Variants in HERC4 observed in about 807,000 individuals in gnomAD.
HERC4 encodes probable E3 ubiquitin-protein ligase HERC4.
A neutral mutation model predicts 124.3 loss-of-function variants in HERC4; 28 were observed. That is an observed-to-expected ratio of 0.23 (90% CI 0.17 to 0.31). HERC4 has a LOEUF of 0.31. Ranked by LOEUF, HERC4 falls within the 10% of genes least tolerant of loss-of-function variation. HERC4 has a pLI of 1.00. For missense variants in HERC4, 713 were observed against 1,229.3 expected (o/e 0.58, Z 6.28); for synonymous variants, 407 against 421.5 (o/e 0.97, Z 0.42).
intron 9 of HERC4, among the ~76,000 whole-genome samples, chr10:68,009,980 G>GA (rs2037839630): frequency 6.6e-6 from 1 of 151,848 alleles, no homozygotes; most frequent in Admixed American, 6.6e-5. Flanking sequence ...CTTCATTTGA[G>GA]AAAAAAGTGA....
rs374893667 is a variant in HERC4 at position 68,030,124 on chromosome 10, A to T, written c.777+2654T>A. Among the ~76,000 whole-genome samples, 6 of 152,140 alleles carry T rather than the reference A, an allele frequency of 3.9e-5. No individual in the cohort carries two copies. In the East Asian group the frequency reaches 9.6e-4, roughly 24 times the overall value. On this transcript the variant is annotated intron_variant, in intron 7 of 24. Transcript: ENST00000373700. ...CAAGGCACATTTGTTCTGGCTATTA[A>T]TTTTAAATTTACTGTATTTTTAAAA... is the stretch of plus-strand genomic sequence containing the variant.
intron 16 of HERC4, chr10:67,965,183 G>C (rs1443035499): frequency 6.6e-6 from 1 of 152,150 alleles, no homozygotes; most frequent in Non-Finnish European, 1.5e-5. Context: ...TTAAAGGGCT[G>C]CTCCTTGTCA....
chr10:67,924,274 G>T (rs1276369943), intron 24 of HERC4, among the ~76,000 whole-genome samples: 1 of 152,164 alleles, frequency 6.6e-6, no homozygotes, highest in East Asian at 1.9e-4. Flanking sequence ...ATTGTATGAG[G>T]TATTAATAAC....
Position 67,922,980 on chromosome 10 carries a change from G to T in HERC4, c.3101C>A (p.Ser1034Tyr). The T allele has an allele frequency of 6.2e-7, 1 of 1,613,830 alleles. No homozygotes were observed. Among genetic ancestry groups the T allele is most frequent in the Non-Finnish European group, 8.5e-7 (1 of 1,179,800 alleles). ...GTGATCAATAGCTTGGATCAGTTTA[G>T]AGCGTAGAGTTTCTTTTTCTGTATA... is the stretch of plus-strand genomic sequence containing the variant. ...PKYTEKETLR[S>Y]KLIQAIDHNE... Residue 1034 changes from serine to tyrosine, a missense_variant, in exon 25 of 25, where the codon TCT (serine) becomes TAT (tyrosine). Transcript: ENST00000373700.
intron 3 of HERC4, chr10:68,070,139 C>A: frequency 1.0e-6 from 1 of 984,776 alleles, no homozygotes; most frequent in Non-Finnish European, 1.2e-6. Flanking sequence ...TGCTCAATTA[C>A]CAGAAGACTT....
At chr10:67,943,328 G>C (rs2033072906) in intron 19 of HERC4, among the ~76,000 whole-genome samples, 1 of 152,060 alleles carries the variant, frequency 6.6e-6, no homozygotes, top group African/African-American at 2.4e-5. Flanking sequence ...TAAGTCCACA[G>C]GAAAAAAGAG....
At chr10:67,963,603 A>G (rs1268165123) in intron 16 of HERC4, among the ~76,000 whole-genome samples, 2 of 152,166 alleles carry the variant, frequency 1.3e-5, no homozygotes, top group Non-Finnish European at 2.9e-5. Context: ...ATGTGTGTAT[A>G]TATTTATATA....
intron 5 of HERC4, among the ~76,000 whole-genome samples, chr10:68,037,388 G>A (rs781436396): frequency 5.9e-5 from 9 of 152,018 alleles, no homozygotes; most frequent in Non-Finnish European, 7.4e-5. Flanking sequence ...GAGCCACTGC[G>A]CCCAGCAAAC....
chr10:68,063,356 C>T (rs944086277), intron 3 of HERC4, among the ~76,000 whole-genome samples: 3 of 152,044 alleles, frequency 2.0e-5, no homozygotes, highest in Non-Finnish European at 2.9e-5. Flanking sequence ...ACTACAGGCA[C>T]ACCACCATGC....
chr10:67,933,059 A>T (rs2132047270), intron 22 of HERC4, among the ~76,000 whole-genome samples: 1 of 152,306 alleles, frequency 6.6e-6, no homozygotes, highest in South Asian at 2.1e-4. Flanking sequence ...AATGATGCAA[A>T]TGGCTATGAA....
intron 9 of HERC4, among the ~76,000 whole-genome samples, chr10:68,009,715 G>A (rs778173357): frequency 1.2e-4 from 19 of 152,144 alleles, no homozygotes; most frequent in Admixed American, 9.2e-4. Flanking sequence ...TATACCAGGA[G>A]ATGCTGCATG....
chr10:68,038,886 T>A (rs1005023162), intron 4 of HERC4, among the ~76,000 whole-genome samples: 9 of 152,214 alleles, frequency 5.9e-5, no homozygotes, highest in African/African-American at 2.2e-4. Context: ...GGCTCATTTT[T>A]AAAACATTAC....
chr10:68,006,375 GTT>G (rs772576805), intron 9 of HERC4, among the ~76,000 whole-genome samples: 9 of 134,010 alleles, frequency 6.7e-5, no homozygotes, highest in African/African-American at 1.4e-4. Context: ...TTTTGTTTTT[GTT>G]TTTTTTTTTT....
intron 9 of HERC4, chr10:67,995,287 C>T (rs2036800400): frequency 2.2e-6 from 1 of 455,342 alleles, no homozygotes; most frequent in Non-Finnish European, 4.4e-6. Context: ...CATTGATGCT[C>T]ATTCACTGTA....
At chr10:67,975,261 A>G (rs183909043) in intron 15 of HERC4, among the ~76,000 whole-genome samples, 1 of 152,162 alleles carries the variant, frequency 6.6e-6, no homozygotes, top group Non-Finnish European at 1.5e-5. Flanking sequence ...AGTGGACTTC[A>G]TGTACATTGT....
At chr10:68,023,006 TAAAAAA>T (rs767835359) in intron 8 of HERC4, among the ~76,000 whole-genome samples, 1 of 140,302 alleles carries the variant, frequency 7.1e-6, no homozygotes, top group African/African-American at 2.6e-5. Flanking sequence ...ATAGGTATTA[TAAAAAA>T]AAAAAGAAAA....
chr10:67,942,269 G>A (rs1209263486), intron 19 of HERC4, among the ~76,000 whole-genome samples: 1 of 152,108 alleles, frequency 6.6e-6, no homozygotes, highest in African/African-American at 2.4e-5. Flanking sequence ...AGGATTACAT[G>A]GGATAATATA....
At chr10:68,061,227 T>A (rs1283468508) in intron 3 of HERC4, among the ~76,000 whole-genome samples, 1 of 152,236 alleles carries the variant, frequency 6.6e-6, no homozygotes, top group African/African-American at 2.4e-5. Context: ...AAGCTTTGTT[T>A]CCAGTAAGAC....
chr10:67,997,800 C>T (rs1353984866), intron 9 of HERC4, among the ~76,000 whole-genome samples: 1 of 152,178 alleles, frequency 6.6e-6, no homozygotes, highest in East Asian at 1.9e-4. Context: ...TCCACCATGA[C>T]CTGTGCTCTT....
Sources: gnomAD v4.1 joint callset for allele counts (sites outside exome capture counted in the v4.1 genomes callset) on GRCh38, gnomAD v4.1.1 for gene constraint, MANE v1.5 for transcripts, NCBI Gene and HGNC (gene_info 2026-07-23, HGNC 2026-07-21) for gene names.